LRRC4C: variants seen among roughly 807,000 people sequenced by gnomAD.
LRRC4C encodes leucine rich repeat containing 4C, also known as leucine-rich repeat-containing protein 4C.
Under a neutral mutation model 33.6 loss-of-function variants are expected in LRRC4C, and 5 were observed. The ratio of observed to expected loss-of-function variants is 0.15; its 90% CI spans 0.08 to 0.31. The LOEUF is 0.31. Ranked by LOEUF, LRRC4C falls within the 10% of genes least tolerant of loss-of-function variation. The pLI, the probability that LRRC4C is intolerant of heterozygous loss-of-function variation, is 1.00. For missense variants in LRRC4C, 560 were observed against 796.7 expected (o/e 0.70, Z 3.58); for synonymous variants, 329 against 302.0 (o/e 1.09, Z -0.93).
At chr11:40,897,582 C>T (rs1956002612) in intron 2 of LRRC4C, among the ~76,000 whole-genome samples, 1 of 152,140 alleles carries the variant, frequency 6.6e-6, no homozygotes, top group Non-Finnish European at 1.5e-5. Flanking sequence ...CTTCATCCTT[C>T]TATAAAGAAT....
intron 1 of LRRC4C, among the ~76,000 whole-genome samples, chr11:41,403,545 C>T (rs927802927): frequency 2.6e-5 from 4 of 151,970 alleles, no homozygotes; most frequent in Admixed American, 6.6e-5. Context: ...GGGGTCCCAA[C>T]AAAAGGAAAT....
chr11:40,441,065 T>C (rs1260256468), intron 3 of LRRC4C, among the ~76,000 whole-genome samples: 1 of 152,124 alleles, frequency 6.6e-6, no homozygotes, highest in Non-Finnish European at 1.5e-5. Flanking sequence ...CTGAAGATTG[T>C]TGGGGAAGCA....
intron 1 of LRRC4C, among the ~76,000 whole-genome samples, chr11:41,288,481 T>C (rs1042981030): frequency 1.3e-5 from 2 of 152,164 alleles, no homozygotes; most frequent in African/African-American, 2.4e-5. Flanking sequence ...ACTAGGTTAA[T>C]AGAGAGTGGG....
rs971315657 is a variant in LRRC4C at position 40,845,688 on chromosome 11, A to G, written c.-407+87947T>C. Among the ~76,000 whole-genome samples, 3 of 152,162 alleles carry G rather than the reference A, an allele frequency of 2.0e-5. No homozygotes were observed. The South Asian group carries it at 6.2e-4, about 32-fold the overall frequency. On this transcript the variant is annotated intron_variant, in intron 2 of 6. Transcript: ENST00000528697. ...TAGGATGATTTATAATCCTTTGGGT[A>G]TATACCCAGTAATGGGATTGCTGGG...
intron 3 of LRRC4C, among the ~76,000 whole-genome samples, chr11:40,379,593 A>G (rs975124931): frequency 2.0e-5 from 3 of 152,176 alleles, no homozygotes; most frequent in Admixed American, 2.0e-4. Context: ...GGAATATTGG[A>G]GAAGAAAAAA....
chr11:40,138,622 C>T (rs1013441049), intron 6 of LRRC4C, among the ~76,000 whole-genome samples: 1 of 152,208 alleles, frequency 6.6e-6, no homozygotes, highest in East Asian at 1.9e-4. Flanking sequence ...GCTCCGGATT[C>T]ATTTTCCTTC....
intron 2 of LRRC4C, among the ~76,000 whole-genome samples, chr11:40,795,220 A>G (rs1291098349): frequency 6.6e-6 from 1 of 152,154 alleles, no homozygotes; most frequent in African/African-American, 2.4e-5. Context: ...CCACATCCAT[A>G]TATGCTACCA....
intron 5 of LRRC4C, among the ~76,000 whole-genome samples, chr11:40,141,231 T>C (rs1006466010): frequency 7.2e-5 from 11 of 152,076 alleles, no homozygotes; most frequent in Non-Finnish European, 1.6e-4. Flanking sequence ...AATAGAAAAC[T>C]CAATTATTAA....
At chr11:40,827,490 C>T (rs1396021017) in intron 2 of LRRC4C, among the ~76,000 whole-genome samples, 1 of 151,770 alleles carries the variant, frequency 6.6e-6, no homozygotes, top group Non-Finnish European at 1.5e-5. Context: ...AGAATCTTTG[C>T]TATCTTCTTT....
At chr11:41,390,983 T>TA (rs35303507) in intron 1 of LRRC4C, among the ~76,000 whole-genome samples, 39,822 of 139,760 alleles carry the variant, frequency 0.28, 5,712 homozygotes, top group East Asian at 0.5. Context: ...TTGCTTTAAT[T>TA]AAAAAAAAAA....
At chr11:40,299,220 C>T (rs1288363429) in intron 4 of LRRC4C, among the ~76,000 whole-genome samples, 1 of 152,166 alleles carries the variant, frequency 6.6e-6, no homozygotes, top group Non-Finnish European at 1.5e-5. Flanking sequence ...CAATTACGTG[C>T]CAAGCATTAT....
At chr11:41,103,554 G>A (rs1423651007) in intron 1 of LRRC4C, among the ~76,000 whole-genome samples, 1 of 151,230 alleles carries the variant, frequency 6.6e-6, no homozygotes, top group Non-Finnish European at 1.5e-5. Context: ...ATAGAAATGA[G>A]TACGACAGAC....
At position 40,115,736 on chromosome 11, in the gene LRRC4C, G is replaced by C; in HGVS notation, c.557C>G (p.Ser186Ter). 1 of 1,614,196 alleles carries C rather than the reference G, an allele frequency of 6.2e-7. No individual in the cohort carries two copies. Residue 186 changes from serine (S) to a stop codon, truncating the protein, a stop_gained, in exon 7 of 7, where the codon TCA becomes TGA. Transcript: ENST00000528697. LOFTEE classifies it high-confidence loss of function. The surrounding 1 kb of genome is among the most constrained non-coding windows in gnomAD (Gnocchi z 6.7). ...RLDLGELKRL[S>*]YISEGAFEGL... The stretch of plus-strand genomic sequence containing the variant: ...TTCAAAGGCACCTTCTGAGATGTAT[G>C]AAAGTCTTTTCAATTCCCCTAAGTC...
intron 1 of LRRC4C, among the ~76,000 whole-genome samples, chr11:41,106,189 T>C (rs1941482501): frequency 6.6e-6 from 1 of 152,074 alleles, no homozygotes; most frequent in Admixed American, 6.6e-5. Context: ...TCTCCTTTTT[T>C]TATAATACTT....
At chr11:41,019,831 G>A (rs950087672) in intron 1 of LRRC4C, among the ~76,000 whole-genome samples, 1 of 152,010 alleles carries the variant, frequency 6.6e-6, no homozygotes. Flanking sequence ...TTTGAGAAGT[G>A]TCTGTTCATA....
In LRRC4C at chr11:41,233,802, GA is replaced by G. The variant is rs762542884; in HGVS notation, c.-496+225628del. ...TCAAAATTTTCAGACAGCAAAAGGG[GA>G]AAAAAATTGTGAAATTTTATTTCTA... On this transcript the variant is annotated intron_variant, in intron 1 of 6. Transcript: ENST00000528697. Among the ~76,000 whole-genome samples, 47 of 151,872 alleles carry G rather than the reference GA, an allele frequency of 3.1e-4. 1 individual carries two copies. In the South Asian group the frequency reaches 6.4e-3, roughly 21 times the overall value.
chr11:40,121,083 T>G (rs1288247901), intron 6 of LRRC4C, among the ~76,000 whole-genome samples: 1 of 152,178 alleles, frequency 6.6e-6, no homozygotes, highest in Non-Finnish European at 1.5e-5. Context: ...TCTTCCTATT[T>G]TTTAAGACAG....
chr11:40,745,687 T>G (rs79357919), intron 2 of LRRC4C, among the ~76,000 whole-genome samples: 3,612 of 152,262 alleles, frequency 0.024, 50 homozygotes, highest in Non-Finnish European at 0.035. Context: ...ACATGAGAAA[T>G]ACAATGAATA....
chr11:40,567,363 A>G (rs1200051309), intron 3 of LRRC4C, among the ~76,000 whole-genome samples: 1 of 152,204 alleles, frequency 6.6e-6, no homozygotes, highest in Non-Finnish European at 1.5e-5. Context: ...CCAGGCAAAG[A>G]TTATTGAATG....
Sources: gnomAD v4.1 joint callset for allele counts (sites outside exome capture counted in the v4.1 genomes callset) on GRCh38, gnomAD v4.1.1 for gene constraint, Gnocchi (gnomAD v3.1) non-coding constraint, MANE v1.5 for transcripts, NCBI Gene and HGNC (gene_info 2026-07-23, HGNC 2026-07-21) for gene names.